The following IGSF11 variants were observed in gnomAD, a reference collection of about 807,000 sequenced individuals.
The protein encoded by IGSF11 is immunoglobulin superfamily member 11, also known as CXADR like 1.
A neutral mutation model predicts 41.0 loss-of-function variants in IGSF11; 22 were observed. The ratio of observed to expected loss-of-function variants is 0.54; its 90% CI spans 0.38 to 0.77. The LOEUF (loss-of-function observed/expected upper bound fraction) is 0.77, where lower values mean the gene tolerates loss of function less well. Among genes scored for constraint, IGSF11 ranks in the 30% least tolerant of loss-of-function variants. IGSF11 has a pLI of 0.00. For synonymous variants in IGSF11, 219 were observed against 201.3 expected (o/e 1.09, Z -0.74); for missense variants, 444 against 530.8 (o/e 0.84, Z 1.61).
At chr3:118,963,401 T>C (rs1232425615) in intron 1 of IGSF11, among the ~76,000 whole-genome samples, 3 of 152,198 alleles carry the variant, frequency 2.0e-5, no homozygotes. Flanking sequence ...AATTACATGA[T>C]AAACATGCAA....
At chr3:119,127,931 T>C (rs2077424998) in intron 1 of IGSF11, among the ~76,000 whole-genome samples, 1 of 152,226 alleles carries the variant, frequency 6.6e-6, no homozygotes, top group African/African-American at 2.4e-5. Context: ...GAAAAGCCGG[T>C]ACCAGCCACT....
chr3:119,078,227 A>T (rs1451539914), intron 1 of IGSF11, among the ~76,000 whole-genome samples: 3 of 152,216 alleles, frequency 2.0e-5, no homozygotes, highest in Non-Finnish European at 4.4e-5. Flanking sequence ...AAAGAAAAAG[A>T]ACAAACCCAG....
intron 1 of IGSF11, among the ~76,000 whole-genome samples, chr3:118,971,357 C>T (rs180911224): frequency 3.3e-5 from 5 of 151,942 alleles, no homozygotes; most frequent in Admixed American, 6.5e-5. Context: ...AAACAGAACA[C>T]CAAAATTCAG....
intron 1 of IGSF11, among the ~76,000 whole-genome samples, chr3:119,085,368 T>A (rs914026673): frequency 6.6e-6 from 1 of 152,036 alleles, no homozygotes; most frequent in Admixed American, 6.5e-5. Flanking sequence ...TCTGAAAACT[T>A]CCATAAATGA....
chr3:119,141,566 T>TA (rs1210192003), intron 1 of IGSF11, among the ~76,000 whole-genome samples: 11 of 150,060 alleles, frequency 7.3e-5, no homozygotes, highest in African/African-American at 2.7e-4. Context: ...ATAACTAAAA[T>TA]AAGTAATGAA....
chr3:119,099,598 G>GA (rs2076910146), intron 1 of IGSF11, among the ~76,000 whole-genome samples: 1 of 152,160 alleles, frequency 6.6e-6, no homozygotes, highest in Admixed American at 6.5e-5. Context: ...CACATGAGTA[G>GA]AAAATTACAG....
chr3:118,928,725 G>A lies in IGSF11; in HGVS notation c.217-9C>T, dbSNP rs1486661529. 1.2e-5 allele frequency: 19 copies of A among 1,608,184 alleles called. No homozygotes were observed. The highest frequency in any genetic ancestry group is 1.6e-5 in the Non-Finnish European group (19 of 1,176,714). ...CCCTGATACAGGATGACCTGGAAAA[G>A]AAAGCAAAATAAATAAACTGGCCAC... is the stretch of plus-strand genomic sequence containing the variant. On this transcript the variant is annotated splice_polypyrimidine_tract_variant and intron_variant, in intron 2 of 6. Transcript: ENST00000393775.
chr3:118,955,595 G>A (rs1559956178), intron 1 of IGSF11, among the ~76,000 whole-genome samples: 1 of 152,104 alleles, frequency 6.6e-6, no homozygotes, highest in Non-Finnish European at 1.5e-5. Flanking sequence ...CATTGTCAAT[G>A]AGCATTAATA....
chr3:118,975,920 T>C (rs558959538), intron 1 of IGSF11, among the ~76,000 whole-genome samples: 17 of 152,094 alleles, frequency 1.1e-4, no homozygotes, highest in African/African-American at 2.7e-4. Flanking sequence ...AGTACTATGC[T>C]CACTACCTGG....
Position 119,111,226 on chromosome 3 carries a change from A to G in IGSF11, c.-13-6021T>C, listed in dbSNP as rs551249937. Among the ~76,000 whole-genome samples, 16 of 152,300 alleles carry G rather than the reference A, an allele frequency of 1.1e-4. No homozygotes were observed. The South Asian group carries it at 3.1e-3, about 30-fold the overall frequency. The stretch of plus-strand genomic sequence containing the variant: ...CATTCTCCCCATCACTTTCAGGTAC[A>G]CCAATCAGACGTAGATTTGGTCTTT... On this transcript the variant is annotated intron_variant, in intron 1 of 7. Coordinates refer to the IGSF11 transcript ENST00000425327.
intron 1 of IGSF11, among the ~76,000 whole-genome samples, chr3:118,970,643 C>CA (rs2107617244): frequency 6.6e-6 from 1 of 150,646 alleles, no homozygotes; most frequent in East Asian, 2.0e-4. Flanking sequence ...TTTAAAATAG[C>CA]AGCAAAAAGG....
intron 1 of IGSF11, among the ~76,000 whole-genome samples, chr3:119,053,354 G>A (rs1049718585): frequency 1.3e-5 from 2 of 152,088 alleles, no homozygotes; most frequent in African/African-American, 4.8e-5. Flanking sequence ...CAGTAGCACT[G>A]CTACACACCA....
At chr3:119,143,797 A>G (rs1404120916) in intron 1 of IGSF11, among the ~76,000 whole-genome samples, 1 of 152,188 alleles carries the variant, frequency 6.6e-6, no homozygotes, top group African/African-American at 2.4e-5. Flanking sequence ...TAACCAAAAG[A>G]GAGCTGGAGC....
intron 4 of IGSF11, among the ~76,000 whole-genome samples, chr3:118,914,156 G>GA (rs1940733765): frequency 6.6e-6 from 1 of 151,964 alleles, no homozygotes; most frequent in Non-Finnish European, 1.5e-5. Flanking sequence ...AAGTAGAGGA[G>GA]AAAAAATATT....
intron 1 of IGSF11, among the ~76,000 whole-genome samples, chr3:119,091,946 T>C (rs933123102): frequency 1.1e-4 from 16 of 151,252 alleles, no homozygotes; most frequent in African/African-American, 3.9e-4. Flanking sequence ...AAAATGTTTT[T>C]GTATAACTAT....
At chr3:118,910,720 C>G (rs981406521) in intron 4 of IGSF11, among the ~76,000 whole-genome samples, 2 of 152,146 alleles carry the variant, frequency 1.3e-5, no homozygotes, top group East Asian at 1.9e-4. Context: ...CAAATCCCCA[C>G]GAACCTTTAT....
intron 1 of IGSF11, among the ~76,000 whole-genome samples, chr3:119,142,285 A>G (rs928074966): frequency 6.6e-6 from 1 of 151,642 alleles, no homozygotes; most frequent in African/African-American, 2.4e-5. Flanking sequence ...AAAAAAAAAA[A>G]AAAAAAAAAA....
intron 1 of IGSF11, among the ~76,000 whole-genome samples, chr3:118,978,790 T>C (rs1934401814): frequency 6.6e-6 from 1 of 152,154 alleles, no homozygotes; most frequent in Non-Finnish European, 1.5e-5. Flanking sequence ...AGTCCTCCCC[T>C]ATGAAAGCAA....
intron 1 of IGSF11, among the ~76,000 whole-genome samples, chr3:119,016,587 T>C (rs1335588015): frequency 1.3e-5 from 2 of 152,194 alleles, no homozygotes; most frequent in Admixed American, 6.5e-5. Flanking sequence ...TGAGTTACCA[T>C]AGCTACCAAA....
Sources: allele counts gnomAD v4.1 joint callset (sites outside exome capture counted in the v4.1 genomes callset), GRCh38; gene constraint gnomAD v4.1.1; transcripts MANE v1.5; gene names NCBI Gene and HGNC (gene_info 2026-07-23, HGNC 2026-07-21).